Variants in SLC45A4 observed in about 807,000 individuals in gnomAD.
SLC45A4 encodes the protein solute carrier family 45 member 4.
Under a neutral mutation model 63.7 loss-of-function variants are expected in SLC45A4, and 32 were observed. That is an observed-to-expected ratio of 0.50 (90% CI 0.38 to 0.67). The LOEUF is 0.67. Ranked by LOEUF, SLC45A4 falls within the 30% of genes least tolerant of loss-of-function variation. The probability of loss-of-function intolerance (pLI) is 0.00; values close to 1 mark genes in which losing one functional copy is unlikely to be tolerated. For synonymous variants in SLC45A4, 535 were observed against 510.0 expected (o/e 1.05, Z -0.66); for missense variants, 1,027 against 1,157.7 (o/e 0.89, Z 1.64).
intron 2 of SLC45A4, among the ~76,000 whole-genome samples, chr8:141,240,811 A>C (rs1369640936): frequency 1.3e-5 from 2 of 152,206 alleles, no homozygotes; most frequent in African/African-American, 4.8e-5. Flanking sequence ...GCTCTGAGAC[A>C]CCACACGCAT....
At chr8:141,269,458 A>G (rs1004016870) in intron 1 of SLC45A4, among the ~76,000 whole-genome samples, 9 of 129,988 alleles carry the variant, frequency 6.9e-5, no homozygotes, top group African/African-American at 3.1e-4. Context: ...ATGTCTGCCT[A>G]TGTGTCTGTG....
rs558566152 is a variant in SLC45A4, at chr8:141,256,743, C to T, written c.-400-2114G>A. ...CGCTACGATTCCACACGACAGCCCT[C>T]GAGAATTCTTTCAAGTTTTCCAAAT... On this transcript the variant is annotated intron_variant, in intron 1 of 8. Transcript: ENST00000517878. The surrounding 1 kb of genome is among the most constrained non-coding windows in gnomAD (Gnocchi z 4.3). The T allele has an allele frequency of 2.7e-5, 11 of 402,126 alleles. No homozygotes were observed. The East Asian group carries it at 5.9e-4, about 22-fold the overall frequency. 24.9% of individuals were successfully genotyped at this position (402,126 alleles called of 1,614,324 possible). A position where few individuals can be genotyped will look rare whatever the true frequency, so the allele number is the denominator to read the frequency against.
At chr8:141,240,388 C>T (rs534027075) in intron 2 of SLC45A4, among the ~76,000 whole-genome samples, 13 of 152,242 alleles carry the variant, frequency 8.5e-5, no homozygotes, top group Middle Eastern at 3.4e-3. Context: ...AAGAAGAAAA[C>T]AATCAACAGG....
chr8:141,217,623 G>A (rs879353622), intron 5 of SLC45A4, among the ~76,000 whole-genome samples: 23 of 152,380 alleles, frequency 1.5e-4, no homozygotes, highest in Non-Finnish European at 3.4e-4. Flanking sequence ...GCAGCCACAG[G>A]TGTGACCCAG....
At chr8:141,300,897 C>T (rs1313414785) in intron 1 of SLC45A4, among the ~76,000 whole-genome samples, 4 of 152,222 alleles carry the variant, frequency 2.6e-5, no homozygotes, top group South Asian at 2.1e-4. Flanking sequence ...TGGAGCAGCA[C>T]GGACCCCGTG....
chr8:141,284,391 G>A (rs1481710938), intron 1 of SLC45A4, among the ~76,000 whole-genome samples: 2 of 152,224 alleles, frequency 1.3e-5, no homozygotes, highest in Non-Finnish European at 2.9e-5. Context: ...GCACCAGCTC[G>A]GGAGGGAGGG....
chr8:141,292,305 C>A (rs1301553694), intron 1 of SLC45A4, among the ~76,000 whole-genome samples: 6 of 152,232 alleles, frequency 3.9e-5, no homozygotes, highest in African/African-American at 1.2e-4. Flanking sequence ...GCACACTGGG[C>A]CCACTCTGGG....
chr8:141,260,803 G>C (rs1829013246), intron 1 of SLC45A4, among the ~76,000 whole-genome samples: 1 of 152,278 alleles, frequency 6.6e-6, no homozygotes, highest in South Asian at 2.1e-4. Context: ...GGTACAAGGA[G>C]GAGCTGGTAC....
chr8:141,240,526 C>T (rs540489975), intron 2 of SLC45A4, among the ~76,000 whole-genome samples: 3 of 152,234 alleles, frequency 2.0e-5, no homozygotes, highest in East Asian at 3.9e-4. Context: ...TTGGAAAGGT[C>T]GGCTCCCAAA....
chr8:141,290,167 A>G (rs1830295764), intron 1 of SLC45A4, among the ~76,000 whole-genome samples: 1 of 152,184 alleles, frequency 6.6e-6, no homozygotes, highest in African/African-American at 2.4e-5. Flanking sequence ...ATCTACATCT[A>G]CGGTCATCTA....
chr8:141,242,735 C>T (rs1319099873), intron 2 of SLC45A4, among the ~76,000 whole-genome samples: 1 of 152,188 alleles, frequency 6.6e-6, no homozygotes, highest in African/African-American at 2.4e-5. Context: ...GGGAAGAGAG[C>T]CGGCAGATAC....
Position 141,274,987 on chromosome 8 carries a change from C to G in SLC45A4, c.-400-20358G>C, listed in dbSNP as rs575041606. ...GAGGAGAGGGCAGAACGGCCACTTT[C>G]TCTTCGTGCTCTCCTGTCTTCATGC... On this transcript the variant is annotated intron_variant, in intron 1 of 8. Coordinates refer to ENST00000517878, the MANE Select transcript of SLC45A4 (RefSeq NM_001286646.2). Among the ~76,000 whole-genome samples the G allele has an allele frequency of 3.9e-5, 6 of 152,268 alleles. No individual in the cohort carries two copies. The East Asian group carries it at 1.2e-3, about 29-fold the overall frequency.
chr8:141,270,682 G>A (rs1014743032), intron 1 of SLC45A4, among the ~76,000 whole-genome samples: 1 of 152,118 alleles, frequency 6.6e-6, no homozygotes, highest in Non-Finnish European at 1.5e-5. Context: ...CAATGCCAGC[G>A]TGACCCTCGC....
At chr8:141,212,158 G>A (rs750569707) in intron 8 of SLC45A4, 39 bp downstream of exon 8, 10 of 618,628 alleles carry the variant, frequency 1.6e-5, no homozygotes, top group Non-Finnish European at 1.9e-5. Flanking sequence ...CCGCCCACCC[G>A]CCCACTGGAA....
intron 5 of SLC45A4, among the ~76,000 whole-genome samples, chr8:141,217,392 C>T (rs767032833): frequency 1.4e-4 from 21 of 152,250 alleles, no homozygotes; most frequent in East Asian, 9.6e-4. Context: ...TGTTCTGTGA[C>T]GTGACTCTGC....
In SLC45A4 at chr8:141,254,336, T is replaced by C. The variant is rs1828667454; in HGVS notation, c.-107A>G. The stretch of plus-strand genomic sequence containing the variant: ...ACGTCTTCTCTTTCTGCTTCTGCTG[T>C]GTTCCTCGGGCAGGTAACACTTACA... On this transcript the variant is annotated 5_prime_UTR_variant, in exon 2 of 9. Coordinates refer to ENST00000517878, the MANE Select transcript of SLC45A4 (RefSeq NM_001286646.2). This position sits in a 1 kb window ranked among gnomAD's most constrained non-coding sequence, Gnocchi z 4.5. 7.8e-7 allele frequency: 1 copy of C among 1,288,346 alleles called. No homozygotes were observed. 79.8% of individuals were successfully genotyped at this position (1,288,346 alleles called of 1,614,324 possible).
intron 2 of SLC45A4, among the ~76,000 whole-genome samples, chr8:141,247,907 C>A (rs2154614582): frequency 6.6e-6 from 1 of 152,284 alleles, no homozygotes; most frequent in Middle Eastern, 3.4e-3. Context: ...AAAGGACAGG[C>A]TTTTTACAAG....
At chr8:141,260,920 C>CA (rs1563655031) in intron 1 of SLC45A4, among the ~76,000 whole-genome samples, 2 of 152,076 alleles carry the variant, frequency 1.3e-5, no homozygotes, top group South Asian at 4.2e-4. Flanking sequence ...GAGACAGAAC[C>CA]AAAAAAGAGA....
At chr8:141,279,193 C>T (rs180888983) in intron 1 of SLC45A4, among the ~76,000 whole-genome samples, 1 of 152,364 alleles carries the variant, frequency 6.6e-6, no homozygotes, top group Non-Finnish European at 1.5e-5. Flanking sequence ...GCCCCTGTGG[C>T]CTCGGGGCCC....
Sources: gnomAD v4.1 joint callset for allele counts (sites outside exome capture counted in the v4.1 genomes callset) on GRCh38, gnomAD v4.1.1 for gene constraint, Gnocchi (gnomAD v3.1) non-coding constraint, MANE v1.5 for transcripts, NCBI Gene and HGNC (gene_info 2026-07-23, HGNC 2026-07-21) for gene names.